KCNAB1: variants seen among roughly 807,000 people sequenced by gnomAD.
KCNAB1 encodes potassium voltage-gated channel subfamily A regulatory beta subunit 1, also known as voltage-gated potassium channel subunit beta-1.
A neutral mutation model predicts 64.6 loss-of-function variants in KCNAB1; 35 were observed. The observed-to-expected ratio is 0.54, with a 90% CI of 0.41 to 0.72. KCNAB1 has a LOEUF of 0.72. Among genes scored for constraint, KCNAB1 ranks in the 30% least tolerant of loss-of-function variants. The pLI, the probability that KCNAB1 is intolerant of heterozygous loss-of-function variation, is 0.00. For synonymous variants in KCNAB1, 177 were observed against 183.8 expected (o/e 0.96, Z 0.30); for missense variants, 401 against 512.9 (o/e 0.78, Z 2.11).
At chr3:156,171,652 G>C (rs930144530) in intron 1 of KCNAB1, among the ~76,000 whole-genome samples, 1 of 152,170 alleles carries the variant, frequency 6.6e-6, no homozygotes, top group African/African-American at 2.4e-5. Context: ...GCAAGAAAGA[G>C]TCCAATGCGA....
intron 1 of KCNAB1, chr3:156,176,540 A>G (rs750166532): frequency 3.7e-6 from 3 of 808,104 alleles, no homozygotes; most frequent in African/African-American, 1.7e-5. Flanking sequence ...TGGGAAGAGC[A>G]TACTGCCATC....
intron 1 of KCNAB1, among the ~76,000 whole-genome samples, chr3:156,219,692 CTTTTTA>C (rs1308012541): frequency 1.1e-4 from 14 of 131,662 alleles, no homozygotes; most frequent in Non-Finnish European, 1.9e-4. Context: ...AGGAAGGAAT[CTTTTTA>C]TTATTATTAT....
In KCNAB1 at chr3:156,222,488, T is replaced by C. The variant is rs973191926; in HGVS notation, c.275+101602T>C. 3.9e-5 allele frequency among the ~76,000 whole-genome samples: 6 copies of C among 152,280 alleles called. No homozygotes were observed. The East Asian group carries it at 9.6e-4, about 24-fold the overall frequency. On this transcript the variant is annotated intron_variant, in intron 1 of 13. Coordinates refer to ENST00000490337, the MANE Select transcript of KCNAB1 (RefSeq NM_172160.3). Reference sequence around the variant, plus strand: ...GCAACACCATAATAGTGGGGGACTCTAACACTCCACTGACAGCACTAGACA... The same window carrying C: ...GCAACACCATAATAGTGGGGGACTCCAACACTCCACTGACAGCACTAGACA...
intron 1 of KCNAB1, chr3:156,291,529 G>C: frequency 9.1e-7 from 1 of 1,095,276 alleles, no homozygotes; most frequent in African/African-American, 1.6e-5. Context: ...GCGAAGGGCT[G>C]CGTGCAGTCA....
intron 1 of KCNAB1, among the ~76,000 whole-genome samples, chr3:156,351,110 A>G (rs1325704682): frequency 1.3e-5 from 2 of 152,276 alleles, no homozygotes; most frequent in Non-Finnish European, 2.9e-5. Context: ...GAATGCAACT[A>G]GAAAGATATC....
At chr3:156,449,390 G>A (rs1030362765) in intron 2 of KCNAB1, among the ~76,000 whole-genome samples, 2 of 151,956 alleles carry the variant, frequency 1.3e-5, no homozygotes, top group African/African-American at 2.4e-5. Context: ...GATTAATTTT[G>A]GAGTCGAGCC....
rs555103529 is a variant in KCNAB1, at chr3:156,237,540, G to C, written c.275+116654G>C. On this transcript the variant is annotated intron_variant, in intron 1 of 13. Coordinates refer to ENST00000490337, the MANE Select transcript of KCNAB1 (RefSeq NM_172160.3). Reference sequence around the variant, plus strand: ...ACACCCCCACCTCGCTCAACTATACGTATTGTTTTGTAACTTGTAAACACA... The same window carrying C: ...ACACCCCCACCTCGCTCAACTATACCTATTGTTTTGTAACTTGTAAACACA... Among the ~76,000 whole-genome samples, 6 of 151,960 alleles carry C rather than the reference G, an allele frequency of 3.9e-5. No homozygotes were observed. In the East Asian group the frequency reaches 1.2e-3, roughly 29 times the overall value.
chr3:156,316,533 G>A lies in KCNAB1; in HGVS notation c.276-105083G>A, dbSNP rs571591365. Among the ~76,000 whole-genome samples, 30 of 152,346 alleles carry A rather than the reference G, an allele frequency of 2.0e-4. No individual in the cohort carries two copies. In the South Asian group the frequency reaches 5.8e-3, roughly 29 times the overall value. On this transcript the variant is annotated intron_variant, in intron 1 of 13. Transcript: ENST00000490337. The stretch of plus-strand genomic sequence containing the variant: ...TGTACTTTTCAGGGTTCATAAAATA[G>A]ATGACACATTCAAAGTAATTGAGAA...
intron 1 of KCNAB1, among the ~76,000 whole-genome samples, chr3:156,400,815 C>G (rs934894283): frequency 1.3e-5 from 2 of 152,176 alleles, no homozygotes; most frequent in Non-Finnish European, 2.9e-5. Flanking sequence ...TCCTGGGAAG[C>G]CTCTTTCAAA....
intron 1 of KCNAB1, among the ~76,000 whole-genome samples, chr3:156,289,247 G>GC (rs1266293796): frequency 2.0e-5 from 3 of 152,114 alleles, no homozygotes; most frequent in Non-Finnish European, 2.9e-5. Flanking sequence ...TCATCTCTGA[G>GC]CCCCCCACAC....
At chr3:156,326,872 T>C (rs1208158463) in intron 1 of KCNAB1, among the ~76,000 whole-genome samples, 2 of 152,178 alleles carry the variant, frequency 1.3e-5, no homozygotes, top group African/African-American at 4.8e-5. Flanking sequence ...TGACCACTAC[T>C]TGGTATAACT....
chr3:156,510,788 G>C (rs1350513711), intron 8 of KCNAB1, among the ~76,000 whole-genome samples: 1 of 152,120 alleles, frequency 6.6e-6, no homozygotes, highest in African/African-American at 2.4e-5. Context: ...GTTCCACCCT[G>C]TGGGCATGGC....
intron 1 of KCNAB1, among the ~76,000 whole-genome samples, chr3:156,416,456 T>C (rs564505692): frequency 3.9e-5 from 6 of 152,326 alleles, no homozygotes; most frequent in South Asian, 2.1e-4. Flanking sequence ...CCCTGCTCTC[T>C]TTACTAAGTT....
intron 1 of KCNAB1, among the ~76,000 whole-genome samples, chr3:156,192,017 A>G (rs1217505906): frequency 1.3e-5 from 2 of 152,198 alleles, no homozygotes; most frequent in African/African-American, 4.8e-5. Flanking sequence ...ATTTCCAGGC[A>G]CCACTGATCT....
chr3:156,394,430 T>G (rs1048217136), intron 1 of KCNAB1, among the ~76,000 whole-genome samples: 1 of 152,166 alleles, frequency 6.6e-6, no homozygotes, highest in Non-Finnish European at 1.5e-5. Flanking sequence ...TGGAGGTGTT[T>G]CAGCCTGACA....
At chr3:156,329,622 C>G (rs1016267291) in intron 1 of KCNAB1, among the ~76,000 whole-genome samples, 2 of 152,056 alleles carry the variant, frequency 1.3e-5, no homozygotes, top group Non-Finnish European at 2.9e-5. Flanking sequence ...TGAGGGAGGA[C>G]AGCTAAACTC....
chr3:156,459,704 G>A (rs1246976160), intron 4 of KCNAB1, 123 bp from the exon 5 acceptor site: 4 of 655,544 alleles, frequency 6.1e-6, no homozygotes, highest in Non-Finnish European at 1.0e-5. Flanking sequence ...AGCCGAGAGC[G>A]GCTTCTATTT....
chr3:156,136,549 C>T (rs1714356921), intron 1 of KCNAB1, among the ~76,000 whole-genome samples: 2 of 152,232 alleles, frequency 1.3e-5, no homozygotes, highest in South Asian at 4.1e-4. Context: ...GACCACAATA[C>T]TATCATGATC....
chr3:156,456,266 C>T (rs1011478157), intron 3 of KCNAB1: 14 of 151,634 alleles, frequency 9.2e-5, no homozygotes, highest in Non-Finnish European at 1.9e-4. Context: ...AATTCTCCAT[C>T]TTATCTTAAA....
Sources: allele counts gnomAD v4.1 joint callset (sites outside exome capture counted in the v4.1 genomes callset), GRCh38; gene constraint gnomAD v4.1.1; transcripts MANE v1.5; gene names NCBI Gene and HGNC (gene_info 2026-07-23, HGNC 2026-07-21).